The following CCSER1 variants were observed in gnomAD, a reference collection of about 807,000 sequenced individuals.
The protein encoded by CCSER1 is serine-rich coiled-coil domain-containing protein 1.
In CCSER1, 41 loss-of-function variants were observed where a neutral mutation model predicts 82.0. That is an observed-to-expected ratio of 0.50 (90% CI 0.39 to 0.65). The LOEUF is 0.65. Ranked by LOEUF, CCSER1 falls within the 30% of genes least tolerant of loss-of-function variation. The pLI, the probability that CCSER1 is intolerant of heterozygous loss-of-function variation, is 0.00. For missense variants in CCSER1, 1,119 were observed against 1,064.2 expected (o/e 1.05, Z -0.72); for synonymous variants, 414 against 383.9 (o/e 1.08, Z -0.92).
chr4:90,444,510 G>A (rs573359978), intron 4 of CCSER1, among the ~76,000 whole-genome samples: 5 of 152,022 alleles, frequency 3.3e-5, no homozygotes, highest in South Asian at 2.1e-4. Flanking sequence ...TTTCTTCAGC[G>A]TATTTAGCAT....
chr4:91,366,672 A>T (rs1749637384), intron 10 of CCSER1, among the ~76,000 whole-genome samples: 1 of 152,194 alleles, frequency 6.6e-6, no homozygotes, highest in South Asian at 2.1e-4. Context: ...TGATCCATTC[A>T]ATTCAAATTT....
intron 10 of CCSER1, among the ~76,000 whole-genome samples, chr4:91,098,907 G>A (rs1724777602): frequency 6.6e-6 from 1 of 152,118 alleles, no homozygotes; most frequent in African/African-American, 2.4e-5. Flanking sequence ...AACTAAAATT[G>A]AAGAAAATGT....
intron 8 of CCSER1, among the ~76,000 whole-genome samples, chr4:90,833,612 G>C (rs1761409354): frequency 6.6e-6 from 1 of 152,134 alleles, no homozygotes; most frequent in Non-Finnish European, 1.5e-5. Context: ...AAGAACCAGT[G>C]TATAAAATGG....
At chr4:90,965,007 G>A (rs562293893) in intron 9 of CCSER1, among the ~76,000 whole-genome samples, 2 of 152,006 alleles carry the variant, frequency 1.3e-5, no homozygotes, top group South Asian at 4.2e-4. Context: ...TTATCTATGT[G>A]GAGCTACCCC....
intron 9 of CCSER1, among the ~76,000 whole-genome samples, chr4:91,022,290 A>G (rs943872491): frequency 6.6e-6 from 1 of 151,712 alleles, no homozygotes; most frequent in Admixed American, 6.6e-5. Context: ...GCTGAGAATG[A>G]TGGTTTCCAG....
chr4:91,428,258 T>C lies in CCSER1; in HGVS notation c.2218-170314T>C, dbSNP rs77624216. On this transcript the variant is annotated intron_variant, in intron 10 of 10. Coordinates refer to ENST00000509176, the MANE Select transcript of CCSER1 (RefSeq NM_001145065.2). ...AAGCAATATTGCTTTCAGTTTGGTA[T>C]TGAATTTTAAGAAACTAAAATATAA... 8.3e-4 allele frequency among the ~76,000 whole-genome samples: 127 copies of C among 152,166 alleles called. 1 individual carries two copies. The highest frequency in any genetic ancestry group is 2.9e-3 in the African/African-American group (120 of 41,574).
intron 6 of CCSER1, among the ~76,000 whole-genome samples, chr4:90,652,350 G>T (rs1320484595): frequency 6.6e-6 from 1 of 152,068 alleles, no homozygotes; most frequent in Admixed American, 6.6e-5. Context: ...TAATAATGTT[G>T]TATATGATTG....
chr4:91,265,482 G>A (rs1741504406), intron 10 of CCSER1, among the ~76,000 whole-genome samples: 1 of 152,068 alleles, frequency 6.6e-6, no homozygotes, highest in Admixed American at 6.6e-5. Context: ...TGAACAAAGT[G>A]TAACATTCAT....
chr4:91,392,384 C>CACACACACACACAT (rs1225719129), intron 10 of CCSER1, among the ~76,000 whole-genome samples: 2 of 151,972 alleles, frequency 1.3e-5, no homozygotes, highest in Non-Finnish European at 2.9e-5. Context: ...CACACACACA[C>CACACACACACACAT]ACACACTTAC....
chr4:90,403,228 G>A (rs982442209), intron 4 of CCSER1, among the ~76,000 whole-genome samples: 7 of 151,944 alleles, frequency 4.6e-5, no homozygotes, highest in Admixed American at 2.0e-4. Context: ...GGCCGGGCGC[G>A]GTGGCTCACG....
At chr4:90,838,741 G>T (rs911993094) in intron 8 of CCSER1, among the ~76,000 whole-genome samples, 1 of 152,124 alleles carries the variant, frequency 6.6e-6, no homozygotes, top group South Asian at 2.1e-4. Context: ...AAAGGCAGGC[G>T]CGGCCTTCGT....
Position 91,276,293 on chromosome 4 carries a change from CTT to C in CCSER1, c.2217+190316_2217+190317del, listed in dbSNP as rs545936410. ...TGTTAATTCTGCTGGGATGTCTTTC[CTT>C]TTTTTTTTTTTTTTTTGTCCTCAAC... On this transcript the variant is annotated intron_variant, in intron 10 of 10. Transcript: ENST00000509176. Among the ~76,000 whole-genome samples the C allele has an allele frequency of 9.2e-3, 1,067 of 116,212 alleles. 5 individuals carry two copies. The highest frequency in any genetic ancestry group is 0.023 in the African/African-American group (717 of 31,768). The allele number at this position is 116,212 out of a possible 152,430, so 76.2% of individuals were successfully genotyped here.
chr4:91,140,854 G>A (rs1424578162), intron 10 of CCSER1, among the ~76,000 whole-genome samples: 4 of 151,894 alleles, frequency 2.6e-5, no homozygotes, highest in Non-Finnish European at 5.9e-5. Flanking sequence ...GTCCAGTTTT[G>A]ATGCAGGCAT....
chr4:90,259,173 T>C (rs1723875063), intron 1 of CCSER1, among the ~76,000 whole-genome samples: 1 of 152,172 alleles, frequency 6.6e-6, no homozygotes, highest in Admixed American at 6.6e-5. Context: ...TTTGTAGTTT[T>C]CCTTTATAGT....
chr4:91,164,825 A>G (rs1731854670), intron 10 of CCSER1, among the ~76,000 whole-genome samples: 1 of 152,084 alleles, frequency 6.6e-6, no homozygotes, highest in African/African-American at 2.4e-5. Flanking sequence ...CTAGTTAGCC[A>G]TTCGTCTAAT....
intron 9 of CCSER1, among the ~76,000 whole-genome samples, chr4:91,062,755 A>G (rs183296206): frequency 6.6e-6 from 1 of 152,220 alleles, no homozygotes; most frequent in Non-Finnish European, 1.5e-5. Context: ...TCATTTGGAG[A>G]TCTCTATCTT....
At chr4:90,581,262 G>T (rs2148636572) in intron 5 of CCSER1, among the ~76,000 whole-genome samples, 1 of 152,148 alleles carries the variant, frequency 6.6e-6, no homozygotes, top group East Asian at 1.9e-4. Flanking sequence ...CAAAAACAGT[G>T]ATTGAAGAAA....
intron 10 of CCSER1, among the ~76,000 whole-genome samples, chr4:91,539,751 C>G (rs115217847): frequency 0.013 from 2,003 of 152,178 alleles, 31 homozygotes; most frequent in African/African-American, 0.044. Flanking sequence ...ATCAGTCTAT[C>G]TATCACCACC....
At chr4:91,031,895 T>C (rs1173885413) in intron 9 of CCSER1, among the ~76,000 whole-genome samples, 1 of 152,114 alleles carries the variant, frequency 6.6e-6, no homozygotes, top group Non-Finnish European at 1.5e-5. Context: ...ACAAATTCAT[T>C]CATGTGTCAT....
Sources: gnomAD v4.1 joint callset for allele counts (sites outside exome capture counted in the v4.1 genomes callset) on GRCh38, gnomAD v4.1.1 for gene constraint, MANE v1.5 for transcripts, NCBI Gene and HGNC (gene_info 2026-07-23, HGNC 2026-07-21) for gene names.